The following DOCK10 variants were observed in gnomAD, a reference collection of about 807,000 sequenced individuals.
DOCK10 encodes dedicator of cytokinesis 10.
Under a neutral mutation model 280.1 loss-of-function variants are expected in DOCK10, and 145 were observed. The observed-to-expected ratio is 0.52, with a 90% CI of 0.45 to 0.59. The LOEUF is 0.59. DOCK10 is among the 20% of genes least tolerant of loss of function. The pLI is 0.00. For synonymous variants in DOCK10, 915 were observed against 942.2 expected (o/e 0.97, Z 0.53); for missense variants, 2,368 against 2,651.7 (o/e 0.89, Z 2.35).
chr2:224,776,842 A>G (rs968544739), intron 51 of DOCK10, among the ~76,000 whole-genome samples: 1 of 152,150 alleles, frequency 6.6e-6, no homozygotes, highest in Non-Finnish European at 1.5e-5. Context: ...CAGAAAACTA[A>G]CTCAAACATC....
chr2:224,885,364 G>A (rs1034371458), intron 7 of DOCK10, among the ~76,000 whole-genome samples: 4 of 152,112 alleles, frequency 2.6e-5, no homozygotes, highest in African/African-American at 9.7e-5. Flanking sequence ...CTCCCTTATT[G>A]AGTATTAATA....
rs942722960 is a variant in DOCK10 at position 224,860,042 on chromosome 2, C to A, written c.1685+2622G>T. On this transcript the variant is annotated intron_variant, in intron 14 of 55. Coordinates refer to ENST00000258390, the MANE Select transcript of DOCK10 (RefSeq NM_014689.3). ...TGGAAGTAAATCACATATGTATATA[C>A]ACAGGTTGGTGGTGTTTCCTAACCT... Among the ~76,000 whole-genome samples the A allele has an allele frequency of 2.0e-5, 3 of 152,140 alleles. No individual in the cohort carries two copies. The South Asian group carries it at 6.2e-4, about 32-fold the overall frequency.
intron 28 of DOCK10, among the ~76,000 whole-genome samples, chr2:224,822,176 G>C (rs1033281325): frequency 2.0e-5 from 3 of 152,128 alleles, no homozygotes; most frequent in African/African-American, 7.2e-5. Context: ...AAAGGTTATA[G>C]TAGTCAAGAG....
intron 1 of DOCK10, among the ~76,000 whole-genome samples, chr2:225,007,124 C>T (rs188588849): frequency 2.0e-5 from 3 of 152,238 alleles, no homozygotes; most frequent in Admixed American, 6.5e-5. Context: ...TCAGCTCTTA[C>T]GAAAGAAAAA....
intron 1 of DOCK10, among the ~76,000 whole-genome samples, chr2:224,953,049 A>G (rs889681809): frequency 3.8e-4 from 54 of 141,230 alleles, no homozygotes; most frequent in African/African-American, 1.4e-3. Flanking sequence ...TGGCCCCAAA[A>G]GTACCATTAG....
chr2:224,827,292 G>A (rs917264494), intron 27 of DOCK10, among the ~76,000 whole-genome samples: 7 of 150,872 alleles, frequency 4.6e-5, no homozygotes, highest in Non-Finnish European at 8.9e-5. Context: ...AAAGAAAAAA[G>A]ATGATATCAG....
chr2:224,789,164 A>T lies in DOCK10; in HGVS notation c.5318T>A (p.Phe1773Tyr). Residue 1773 changes from phenylalanine to tyrosine, a missense_variant, in exon 48 of 56, where the codon TTC becomes TAC. Physicochemically the swap from Phe to Tyr is conservative, Grantham distance 22 (BLOSUM62 3). Transcript: ENST00000258390. ...CAAAAAAGCTGGCCATCCCATAGAG[A>T]ACATGCCTTGGGAGGACCAAGCAGA... ...LLTTPSGGSMFSMGWPAFLSI... is the reference protein window; with the variant it reads ...LLTTPSGGSMYSMGWPAFLSI... The T allele has an allele frequency of 6.2e-7, 1 of 1,609,626 alleles. No individual in the cohort carries two copies. Among genetic ancestry groups the T allele is most frequent in the East Asian group, 2.2e-5 (1 of 44,828 alleles).
chr2:224,954,059 A>G (rs1372610255), intron 1 of DOCK10, among the ~76,000 whole-genome samples: 1 of 152,178 alleles, frequency 6.6e-6, no homozygotes, highest in Admixed American at 6.5e-5. Context: ...TAGTACTCCA[A>G]TTATAGCCTT....
intron 47 of DOCK10, among the ~76,000 whole-genome samples, chr2:224,791,662 G>T (rs1258237884): frequency 6.8e-6 from 1 of 147,628 alleles, no homozygotes; most frequent in Non-Finnish European, 1.5e-5. Context: ...TTTTAGTAGA[G>T]ACGGGGTTTC....
chr2:224,797,820 G>A lies in DOCK10; in HGVS notation c.4644+12C>T. ...TCCTACCTAAACTTCATTGAAACCT[G>A]GAGATCCTTACCTTGCATACAAACA... On this transcript the variant is annotated intron_variant, in intron 42 of 55. Coordinates refer to ENST00000258390, the MANE Select transcript of DOCK10 (RefSeq NM_014689.3). 6.2e-7 allele frequency: 1 copy of A among 1,610,148 alleles called. No homozygotes were observed. Among genetic ancestry groups the A allele is most frequent in the Non-Finnish European group, 8.5e-7 (1 of 1,178,120 alleles).
rs564237869 is a variant in DOCK10, at chr2:224,840,040, G to A, written c.2694C>T (p.Ile898=). The A allele has an allele frequency of 1.3e-6, 2 of 1,556,558 alleles. No individual in the cohort carries two copies. The highest frequency in any genetic ancestry group is 1.7e-6 in the Non-Finnish European group (2 of 1,145,986). The part of the protein sequence containing the change: ...NLLNVEKIHA[I]MSFLPIILNQ... Reference sequence around the variant, plus strand: ...TCAAAATTATAGGCAGAAAACTCATGATTGCATGAATCTTTTCCACATTCA... The same window carrying A: ...TCAAAATTATAGGCAGAAAACTCATAATTGCATGAATCTTTTCCACATTCA... The change falls in exon 24 of 56, where the codon ATC becomes ATT. Residue 898 remains isoleucine (I), a synonymous_variant. Transcript: ENST00000258390.
At chr2:224,843,688 AAGG>A (rs1284092690) in intron 22 of DOCK10, among the ~76,000 whole-genome samples, 1 of 152,200 alleles carries the variant, frequency 6.6e-6, no homozygotes, top group Admixed American at 6.5e-5. Flanking sequence ...AAACTTAAGA[AAGG>A]AGAAATACAT....
intron 1 of DOCK10, among the ~76,000 whole-genome samples, chr2:224,998,314 T>TGAAC (rs386392786): frequency 1.3e-5 from 2 of 151,874 alleles, no homozygotes; most frequent in African/African-American, 4.8e-5. Flanking sequence ...TGCATAAAAA[T>TGAAC]GAACAAGGAG....
At position 224,864,986 on chromosome 2, in the gene DOCK10, C is replaced by T. The variant is rs769097829; in HGVS notation, c.1359G>A (p.Gln453=). 4 of 1,613,864 alleles carry T rather than the reference C, an allele frequency of 2.5e-6. No individual in the cohort carries two copies. In the African/African-American group the frequency reaches 5.3e-5, roughly 22 times the overall value. ...HVDLNHAAVR[Q]MLLGASVALE... is the part of the protein sequence containing the mutation. Reference sequence around the variant, plus strand: ...AAGCCACAGAAGCCCCCAAGAGCATCTGTCTGACAGCAGCATGGTTTAGAT... The same window carrying T: ...AAGCCACAGAAGCCCCCAAGAGCATTTGTCTGACAGCAGCATGGTTTAGAT... Residue 453 remains glutamine, a synonymous_variant, in exon 12 of 56, where the codon CAG becomes CAA. Transcript: ENST00000258390.
In DOCK10 at chr2:224,896,207, C is replaced by T. The variant is rs972257470; in HGVS notation, c.416+88G>A. On this transcript the variant is annotated intron_variant, in intron 4 of 55. Transcript: ENST00000258390. ...TGTGCCTTGACAGAAGATTAATGTA[C>T]GTGTATTCATGAACAATGGCAGGAC... 21 of 721,192 alleles carry T rather than the reference C, an allele frequency of 2.9e-5. 1 individual carries two copies. Among genetic ancestry groups the T allele is most frequent in the African/African-American group, 1.1e-4 (6 of 53,936 alleles). The allele number at this position is 721,192 out of a possible 1,614,324, so 44.7% of individuals were successfully genotyped here. A position where few individuals can be genotyped will look rare whatever the true frequency, so the allele number is the denominator to read the frequency against.
intron 1 of DOCK10, among the ~76,000 whole-genome samples, chr2:225,014,366 T>A (rs888772188): frequency 6.6e-6 from 1 of 151,922 alleles, no homozygotes; most frequent in Non-Finnish European, 1.5e-5. Context: ...AAAGTTCTAA[T>A]GAAGTAGAAG....
chr2:224,840,940 G>T (rs1372869370), intron 23 of DOCK10, among the ~76,000 whole-genome samples: 1 of 152,176 alleles, frequency 6.6e-6, no homozygotes, highest in East Asian at 1.9e-4. Context: ...AAAAAGGAAG[G>T]AAATTAGGTC....
At chr2:224,965,402 C>A (rs1329603917) in intron 1 of DOCK10, among the ~76,000 whole-genome samples, 1 of 152,204 alleles carries the variant, frequency 6.6e-6, no homozygotes, top group South Asian at 2.1e-4. Context: ...CTACACAAGA[C>A]GGTCTGCAGT....
chr2:224,983,583 T>G, intron 1 of DOCK10: 1 of 316,158 alleles, frequency 3.2e-6, no homozygotes, highest in Non-Finnish European at 6.4e-6. Context: ...GAAGGATTGT[T>G]TTGCTGTAAC....
Sources: allele counts gnomAD v4.1 joint callset (sites outside exome capture counted in the v4.1 genomes callset), GRCh38; gene constraint gnomAD v4.1.1; transcripts MANE v1.5; gene names NCBI Gene and HGNC (gene_info 2026-07-23, HGNC 2026-07-21).